The following ANKHD1 variants were observed in gnomAD, a reference collection of about 807,000 sequenced individuals.
ANKHD1 encodes the protein ankyrin repeat and KH domain-containing protein 1.
A neutral mutation model predicts 230.5 loss-of-function variants in ANKHD1; 31 were observed. The observed-to-expected ratio is 0.13, with a 90% CI of 0.10 to 0.18. ANKHD1 has a LOEUF of 0.18. ANKHD1 is among the 10% of genes least tolerant of loss of function. The probability of loss-of-function intolerance (pLI) is 1.00; values close to 1 mark genes in which losing one functional copy is unlikely to be tolerated. For synonymous variants in ANKHD1, 1,074 were observed against 1,117.6 expected (o/e 0.96, Z 0.78); for missense variants, 2,256 against 3,071.3 (o/e 0.73, Z 6.27).
At chr5:140,511,729 T>C (rs1054676389) in intron 22 of ANKHD1, among the ~76,000 whole-genome samples, 1 of 152,236 alleles carries the variant, frequency 6.6e-6, no homozygotes, top group Non-Finnish European at 1.5e-5. Context: ...GTACATGGTT[T>C]AGTTTTGATA....
intron 23 of ANKHD1, 30 bp from the exon 24 acceptor site, chr5:140,513,333 A>C (rs745880158): frequency 6.3e-7 from 1 of 1,577,600 alleles, no homozygotes; most frequent in Non-Finnish European, 8.6e-7. Flanking sequence ...CTTTCATTAT[A>C]TATTTACATA....
At chr5:140,511,927 G>A (rs1752788147) in intron 22 of ANKHD1, among the ~76,000 whole-genome samples, 1 of 152,144 alleles carries the variant, frequency 6.6e-6, no homozygotes, top group African/African-American at 2.4e-5. Context: ...AACTATGCAA[G>A]CTTGGTTACA....
chr5:140,457,597 C>T (rs1420016558), intron 7 of ANKHD1, among the ~76,000 whole-genome samples: 1 of 152,026 alleles, frequency 6.6e-6, no homozygotes, highest in African/African-American at 2.4e-5. Flanking sequence ...AGCAAACTAT[C>T]ACAAGAACAA....
chr5:140,538,516 C>T (rs1415310698), intron 32 of ANKHD1, among the ~76,000 whole-genome samples: 1 of 152,160 alleles, frequency 6.6e-6, no homozygotes, highest in Non-Finnish European at 1.5e-5. Context: ...GAGGCCTCTA[C>T]CCCTCTTAAA....
rs138825508 is a variant in ANKHD1 at position 140,443,518 on chromosome 5, G to A, written c.914-2224G>A. Among the ~76,000 whole-genome samples, 555 of 151,754 alleles carry A rather than the reference G, an allele frequency of 3.7e-3. 6 individuals are homozygous for A. The highest frequency in any genetic ancestry group is 0.013 in the African/African-American group (540 of 41,444). On this transcript the variant is annotated intron_variant, in intron 5 of 33. Transcript: ENST00000360839. ...ATCCTGGCTAACACGGTGAAACCCC[G>A]TCTCTACTAAAAATGCAAAAAAATT...
chr5:140,505,021 A>G, intron 16 of ANKHD1, 55 bp downstream of exon 16: 1 of 1,607,416 alleles, frequency 6.2e-7, no homozygotes, highest in Non-Finnish European at 8.5e-7. Context: ...TTCTTTGGAA[A>G]GGAAAATTAT....
intron 10 of ANKHD1, among the ~76,000 whole-genome samples, chr5:140,477,204 C>T (rs1361928027): frequency 6.6e-6 from 1 of 152,078 alleles, no homozygotes; most frequent in African/African-American, 2.4e-5. Context: ...AATACTCCTC[C>T]AACTGAGAAA....
chr5:140,522,242 C>T (rs113044556), intron 24 of ANKHD1, among the ~76,000 whole-genome samples: 2,471 of 152,294 alleles, frequency 0.016, 74 homozygotes, highest in African/African-American at 0.056. Context: ...CTGGCTTTTT[C>T]ACTTAGTGAA....
At chr5:140,519,211 C>T (rs1196288441) in intron 24 of ANKHD1, among the ~76,000 whole-genome samples, 1 of 152,092 alleles carries the variant, frequency 6.6e-6, no homozygotes, top group African/African-American at 2.4e-5. Context: ...CCTAGGAATC[C>T]AACTTACAAG....
chr5:140,478,499 T>C lies in ANKHD1; in HGVS notation c.1783-4081T>C, dbSNP rs182302309. On this transcript the variant is annotated intron_variant, in intron 10 of 33. Transcript: ENST00000360839. Reference sequence around the variant, plus strand: ...AGGTGAAATGAATACTAATTTTTGCTAGAAATATATAAATTATCAAAATTG... The same window carrying C: ...AGGTGAAATGAATACTAATTTTTGCCAGAAATATATAAATTATCAAAATTG... 4.7e-4 allele frequency among the ~76,000 whole-genome samples: 71 copies of C among 152,156 alleles called. 1 individual carries two copies. Among genetic ancestry groups the C allele is most frequent in the African/African-American group, 1.6e-3 (67 of 41,548 alleles).
At chr5:140,525,850 A>AAT in intron 25 of ANKHD1, 146 bp from the exon 26 acceptor site, 1 of 1,043,720 alleles carries the variant, frequency 9.6e-7, no homozygotes, top group Non-Finnish European at 1.3e-6. Flanking sequence ...AAAAAAAAAA[A>AAT]GATTTCTTTA....
intron 29 of ANKHD1, among the ~76,000 whole-genome samples, chr5:140,535,052 A>G (rs1754011693): frequency 6.6e-6 from 1 of 152,212 alleles, no homozygotes; most frequent in Non-Finnish European, 1.5e-5. Context: ...TATCCCCTCC[A>G]GTTAAAAGCT....
At chr5:140,428,509 G>A (rs993461467) in intron 1 of ANKHD1, among the ~76,000 whole-genome samples, 2 of 152,258 alleles carry the variant, frequency 1.3e-5, no homozygotes, top group Non-Finnish European at 2.9e-5. Context: ...GGTGGCGCAC[G>A]CCTGCAATCG....
chr5:140,421,691 A>C (rs1033347828), intron 1 of ANKHD1, among the ~76,000 whole-genome samples: 1 of 152,206 alleles, frequency 6.6e-6, no homozygotes, highest in Non-Finnish European at 1.5e-5. Flanking sequence ...GTATTGTCAC[A>C]GTCTTATCAC....
rs760420234 is a variant in ANKHD1, at chr5:140,509,627, G to A, written c.3766-10G>A. ...TGTAACTTAGTTGCATAATTTATTG[G>A]TTTAAACAGACGGGTCTTACCCCCT... On this transcript the variant is annotated splice_polypyrimidine_tract_variant and intron_variant, in intron 20 of 33. Coordinates refer to ENST00000360839, the MANE Select transcript of ANKHD1 (RefSeq NM_017747.3). 6.5e-7 allele frequency: 1 copy of A among 1,534,774 alleles called. No individual in the cohort carries two copies. Among genetic ancestry groups the A allele is most frequent in the South Asian group, 1.3e-5 (1 of 77,836 alleles).
intron 7 of ANKHD1, among the ~76,000 whole-genome samples, chr5:140,454,815 G>C (rs1482256419): frequency 3.3e-5 from 5 of 152,092 alleles, no homozygotes; most frequent in Admixed American, 3.3e-4. Context: ...AGAGAAGTAA[G>C]AGCAAACACA....
In ANKHD1 at chr5:140,524,836, G is replaced by A. The variant is rs145368474; in HGVS notation, c.4492+596G>A. ...TAAGAATATTGGGCCGGGTGCAATGGCTCACACCTGTAATCCCAGCACTTT... is the reference window on the plus strand; with the variant it reads ...TAAGAATATTGGGCCGGGTGCAATGACTCACACCTGTAATCCCAGCACTTT... On this transcript the variant is annotated intron_variant, in intron 25 of 33. Coordinates refer to ENST00000360839, the MANE Select transcript of ANKHD1 (RefSeq NM_017747.3). The A allele has an allele frequency of 4.2e-3, 668 of 157,402 alleles. 4 individuals carry two copies. The highest frequency in any genetic ancestry group is 0.015 in the African/African-American group (629 of 41,568). The allele number at this position is 157,402 out of a possible 1,614,324, so 9.8% of individuals were successfully genotyped here.
intron 29 of ANKHD1, among the ~76,000 whole-genome samples, chr5:140,531,799 T>C (rs1753836608): frequency 6.6e-6 from 1 of 152,178 alleles, no homozygotes. Context: ...CCAATGTTCA[T>C]AGCAACATTA....
In ANKHD1 at chr5:140,529,336, A is replaced by G. The variant is rs1390137339; in HGVS notation, c.6390A>G (p.Ala2130=). The G allele has an allele frequency of 6.2e-7, 1 of 1,614,202 alleles. No homozygotes were observed. The highest frequency in any genetic ancestry group is 1.3e-5 in the African/African-American group (1 of 75,046). Residue 2130 remains alanine, a synonymous_variant, in exon 29 of 34, where the codon GCA becomes GCG. Transcript: ENST00000360839. ...ATTTACCTCAGTTAGCTGTACCAGC[A>G]CCTCGAGTTTCTCATCGAATGCAGC... is the stretch of plus-strand genomic sequence containing the variant. The part of the protein sequence containing the change: ...TSNLPQLAVP[A]PRVSHRMQPR...
Sources: gnomAD v4.1 joint callset for allele counts (sites outside exome capture counted in the v4.1 genomes callset) on GRCh38, gnomAD v4.1.1 for gene constraint, MANE v1.5 for transcripts, NCBI Gene and HGNC (gene_info 2026-07-23, HGNC 2026-07-21) for gene names.